The following CDC42SE2 variants were observed in gnomAD, a reference collection of about 807,000 sequenced individuals.
CDC42SE2 encodes the protein CDC42 small effector 2.
Under a neutral mutation model 11.5 loss-of-function variants are expected in CDC42SE2, and 3 were observed. That is an observed-to-expected ratio of 0.26 (90% CI 0.12 to 0.67). The LOEUF is 0.67. Among genes scored for constraint, CDC42SE2 ranks in the 30% least tolerant of loss-of-function variants. CDC42SE2 has a pLI of 0.80. For synonymous variants in CDC42SE2, 33 were observed against 34.8 expected, an observed-to-expected ratio of 0.95 and a Z score of 0.18; for missense variants, 82 against 106.8, an observed-to-expected ratio of 0.77 and a Z score of 1.02.
chr5:131,355,543 G>C (rs1198468080), intron 2 of CDC42SE2, among the ~76,000 whole-genome samples: 1 of 152,144 alleles, frequency 6.6e-6, no homozygotes, highest in Admixed American at 6.6e-5. Flanking sequence ...GGAGGGAACA[G>C]AGTGATAGAG....
chr5:131,238,848 C>A, the CDC42SE2 span, among the ~76,000 whole-genome samples: 3 of 152,078 alleles, frequency 2.0e-5, no homozygotes, highest in Non-Finnish European at 2.9e-5. Flanking sequence ...TGATTCTTGT[C>A]TTTTCTTTAA....
At chr5:131,352,189 A>G (rs1403489096) in intron 2 of CDC42SE2, among the ~76,000 whole-genome samples, 1 of 152,222 alleles carries the variant, frequency 6.6e-6, no homozygotes, top group East Asian at 1.9e-4. Context: ...GCAAAGTGGT[A>G]AAACTGGTTT....
the CDC42SE2 span, among the ~76,000 whole-genome samples, chr5:131,232,997 C>T: frequency 5.9e-5 from 9 of 151,720 alleles, no homozygotes; most frequent in African/African-American, 2.2e-4. Flanking sequence ...AGGCTTCTTC[C>T]CATCTCTGTC....
At chr5:131,251,604 C>T (rs1022651057) in intron 1 of CDC42SE2, among the ~76,000 whole-genome samples, 1 of 152,134 alleles carries the variant, frequency 6.6e-6, no homozygotes, top group African/African-American at 2.4e-5. Flanking sequence ...GAAAACAGTA[C>T]ATGAATAGCA....
At chr5:131,285,636 T>C (rs1433292665) in intron 1 of CDC42SE2, among the ~76,000 whole-genome samples, 1 of 152,216 alleles carries the variant, frequency 6.6e-6, no homozygotes, top group African/African-American at 2.4e-5. Context: ...CAAACTCTAT[T>C]CTAGGATTTT....
chr5:131,279,270 G>A (rs1580728075), intron 1 of CDC42SE2, among the ~76,000 whole-genome samples: 1 of 152,114 alleles, frequency 6.6e-6, no homozygotes, highest in South Asian at 2.1e-4. Flanking sequence ...TTATATGTTT[G>A]TATATTGTTT....
intron 2 of CDC42SE2, among the ~76,000 whole-genome samples, chr5:131,327,631 G>A (rs990010741): frequency 1.3e-5 from 2 of 152,132 alleles, no homozygotes; most frequent in African/African-American, 4.8e-5. Context: ...CCCTTTCCTG[G>A]TATTCTAAAA....
rs145120909 is a variant in CDC42SE2 at position 131,288,573 on chromosome 5, C to T, written c.-455+24407C>T. Among the ~76,000 whole-genome samples the T allele has an allele frequency of 4.0e-3, 616 of 152,280 alleles. 6 individuals are homozygous for T. Among genetic ancestry groups the T allele is most frequent in the African/African-American group, 0.014 (596 of 41,552 alleles). On this transcript the variant is annotated intron_variant, in intron 1 of 4. Transcript: ENST00000505065. ...GCAGTGGTGCAGTCATACCTCACTACAGCCCCAAACCCCTGGCTTCAGATG... is the reference window on the plus strand; with the variant it reads ...GCAGTGGTGCAGTCATACCTCACTATAGCCCCAAACCCCTGGCTTCAGATG...
At chr5:131,346,040 G>T (rs1019024457) in intron 2 of CDC42SE2, among the ~76,000 whole-genome samples, 60 of 152,260 alleles carry the variant, frequency 3.9e-4, no homozygotes, top group Middle Eastern at 3.4e-3. Context: ...ACCAGCCACT[G>T]CAAAAACATG....
chr5:131,317,543 C>T (rs977976441), intron 2 of CDC42SE2, among the ~76,000 whole-genome samples: 1 of 150,566 alleles, frequency 6.6e-6, no homozygotes, highest in Non-Finnish European at 1.5e-5. Context: ...GGAAGTTTGG[C>T]GGTGATGTAG....
chr5:131,278,676 A>G (rs1160973893), intron 1 of CDC42SE2, among the ~76,000 whole-genome samples: 1 of 133,640 alleles, frequency 7.5e-6, no homozygotes, highest in East Asian at 2.4e-4. Context: ...ATAGACAAAA[A>G]AAATGCTTGA....
intron 2 of CDC42SE2, among the ~76,000 whole-genome samples, chr5:131,319,293 A>G (rs1474665546): frequency 4.6e-5 from 7 of 152,092 alleles, no homozygotes; most frequent in Non-Finnish European, 1.0e-4. Flanking sequence ...GAGTTCTTGT[A>G]TGGAATGGAA....
chr5:131,222,582 G>C, the CDC42SE2 span, among the ~76,000 whole-genome samples: 1 of 152,184 alleles, frequency 6.6e-6, no homozygotes, highest in Non-Finnish European at 1.5e-5. Context: ...AAAATGAATG[G>C]AGGTGGAGAC....
chr5:131,291,390 T>A (rs1757454710), intron 1 of CDC42SE2, among the ~76,000 whole-genome samples: 1 of 152,220 alleles, frequency 6.6e-6, no homozygotes, highest in South Asian at 2.1e-4. Context: ...GCATTAATAT[T>A]GCTTTAGAAG....
intron 3 of CDC42SE2, among the ~76,000 whole-genome samples, chr5:131,375,952 A>G (rs1444210011): frequency 1.3e-5 from 2 of 152,222 alleles, no homozygotes; most frequent in Non-Finnish European, 2.9e-5. Flanking sequence ...TAAGACTCCC[A>G]TCTTGGCCAG....
the CDC42SE2 span, among the ~76,000 whole-genome samples, chr5:131,233,181 A>G: frequency 6.6e-6 from 1 of 152,092 alleles, no homozygotes; most frequent in Non-Finnish European, 1.5e-5. Context: ...TTTTCCATCT[A>G]AAAATATTTC....
chr5:131,308,833 G>A (rs979496845), intron 1 of CDC42SE2, among the ~76,000 whole-genome samples: 26 of 152,118 alleles, frequency 1.7e-4, no homozygotes, highest in South Asian at 6.2e-4. Flanking sequence ...TATCAGCTTA[G>A]GGAGATTTTG....
At chr5:131,362,889 G>A (rs1250705892) in intron 3 of CDC42SE2, among the ~76,000 whole-genome samples, 1 of 152,098 alleles carries the variant, frequency 6.6e-6, no homozygotes, top group Non-Finnish European at 1.5e-5. Flanking sequence ...GCTAACACCT[G>A]TAATCCTAGC....
At chr5:131,254,269 C>T (rs867137700) in intron 1 of CDC42SE2, among the ~76,000 whole-genome samples, 10 of 152,198 alleles carry the variant, frequency 6.6e-5, no homozygotes, top group South Asian at 2.1e-4. Flanking sequence ...TGGTTGGGCA[C>T]GGTGGCTCAC....
Sources: gnomAD v4.1 joint callset for allele counts (sites outside exome capture counted in the v4.1 genomes callset) on GRCh38, gnomAD v4.1.1 for gene constraint, MANE v1.5 for transcripts, NCBI Gene and HGNC (gene_info 2026-07-23, HGNC 2026-07-21) for gene names.